RCSD1: variants seen among roughly 807,000 people sequenced by gnomAD.
RCSD1 encodes the protein capZ-interacting protein.
RCSD1 carries 26 observed loss-of-function variants against 42.5 expected under a neutral mutation model. The ratio of observed to expected loss-of-function variants is 0.61; its 90% CI spans 0.45 to 0.85. The LOEUF is 0.85. Ranked by LOEUF, RCSD1 falls within the 40% of genes least tolerant of loss-of-function variation. The probability of loss-of-function intolerance (pLI) is 0.00; values close to 1 mark genes in which losing one functional copy is unlikely to be tolerated. For missense variants in RCSD1, 571 were observed against 528.3 expected, an observed-to-expected ratio of 1.08 and a Z score of -0.79; for synonymous variants, 220 against 212.2, an observed-to-expected ratio of 1.04 and a Z score of -0.32.
At chr1:167,675,663 A>G (rs910532385) in intron 1 of RCSD1, among the ~76,000 whole-genome samples, 4 of 152,128 alleles carry the variant, frequency 2.6e-5, no homozygotes, top group African/African-American at 9.7e-5. Context: ...TGACCCTAAA[A>G]GCCATAAAAC....
intron 1 of RCSD1, among the ~76,000 whole-genome samples, chr1:167,680,375 G>A (rs1273335404): frequency 6.6e-6 from 1 of 152,092 alleles, no homozygotes; most frequent in Non-Finnish European, 1.5e-5. Flanking sequence ...CAGGTACCCA[G>A]GCCCTGACAC....
chr1:167,630,489 TC>T, intron 1 of RCSD1, 60 bp downstream of exon 1: 3 of 1,477,968 alleles, frequency 2.0e-6, no homozygotes, highest in South Asian at 1.3e-5. Context: ...GGGCGCCCCT[TC>T]CCCGGGCGGC....
At chr1:167,652,211 G>A (rs1658330161) in intron 1 of RCSD1, among the ~76,000 whole-genome samples, 1 of 151,918 alleles carries the variant, frequency 6.6e-6, no homozygotes, top group African/African-American at 2.4e-5. Flanking sequence ...TAGTAGAGAC[G>A]GGGTTTCACC....
intron 5 of RCSD1, among the ~76,000 whole-genome samples, chr1:167,696,819 T>C (rs905650217): frequency 6.6e-6 from 1 of 152,142 alleles, no homozygotes; most frequent in Non-Finnish European, 1.5e-5. Flanking sequence ...TGTTTTACAG[T>C]GCAATAAAAT....
At chr1:167,673,148 T>G (rs1658853212) in intron 1 of RCSD1, among the ~76,000 whole-genome samples, 1 of 152,060 alleles carries the variant, frequency 6.6e-6, no homozygotes, top group Non-Finnish European at 1.5e-5. Context: ...GGAGAGCATA[T>G]GAAAGATAGC....
chr1:167,679,215 A>G (rs1366749802), intron 1 of RCSD1, among the ~76,000 whole-genome samples: 1 of 151,988 alleles, frequency 6.6e-6, no homozygotes, highest in Non-Finnish European at 1.5e-5. Context: ...GCACTTACTG[A>G]CTTGAATAGT....
chr1:167,676,716 A>C (rs1471491102), intron 1 of RCSD1, among the ~76,000 whole-genome samples: 1 of 152,134 alleles, frequency 6.6e-6, no homozygotes, highest in African/African-American at 2.4e-5. Context: ...TTGCCCAGAC[A>C]CTAGCCATCA....
chr1:167,654,081 C>G (rs1658369206), intron 1 of RCSD1, among the ~76,000 whole-genome samples: 1 of 152,148 alleles, frequency 6.6e-6, no homozygotes, highest in Non-Finnish European at 1.5e-5. Flanking sequence ...AGGTAGTTTT[C>G]AGGATCAAAT....
chr1:167,662,810 G>C (rs970056897), intron 1 of RCSD1, among the ~76,000 whole-genome samples: 3 of 152,332 alleles, frequency 2.0e-5, no homozygotes, highest in East Asian at 3.9e-4. Flanking sequence ...CGCTGGGTTT[G>C]CTTGGCATCC....
chr1:167,671,884 T>C (rs952369064), intron 1 of RCSD1, among the ~76,000 whole-genome samples: 1 of 152,228 alleles, frequency 6.6e-6, no homozygotes, highest in East Asian at 1.9e-4. Context: ...GAGGCTCCCC[T>C]GGCCTTGAAC....
chr1:167,702,633 G>A (rs745309211), intron 6 of RCSD1, among the ~76,000 whole-genome samples: 3 of 152,120 alleles, frequency 2.0e-5, no homozygotes, highest in Non-Finnish European at 4.4e-5. Flanking sequence ...ACAAAAATTA[G>A]CCAGGGGTGG....
chr1:167,704,500 A>AT (rs1381676697), intron 6 of RCSD1, among the ~76,000 whole-genome samples, 164 bp from the exon 7 acceptor site: 1 of 141,626 alleles, frequency 7.1e-6, no homozygotes, highest in East Asian at 2.1e-4. Flanking sequence ...AAGTCAATGC[A>AT]TAAAAAAAAC....
chr1:167,701,842 T>A (rs1659653123), intron 6 of RCSD1, among the ~76,000 whole-genome samples: 1 of 152,204 alleles, frequency 6.6e-6, no homozygotes, highest in Non-Finnish European at 1.5e-5. Flanking sequence ...GAGTCACTAG[T>A]GCAAAAGGAA....
chr1:167,670,357 G>GAA (rs58634704), intron 1 of RCSD1, among the ~76,000 whole-genome samples: 62,530 of 132,102 alleles, frequency 0.47, 14,441 homozygotes, highest in East Asian at 0.69. Context: ...CTTTGCAAAA[G>GAA]AAAAAAAAAA....
At chr1:167,654,151 T>C (rs12069583) in intron 1 of RCSD1, among the ~76,000 whole-genome samples, 17,023 of 152,240 alleles carry the variant, frequency 0.11, 1,335 homozygotes, top group African/African-American at 0.22. Flanking sequence ...GTTTAATAAG[T>C]GTTGGCCATT....
intron 1 of RCSD1, among the ~76,000 whole-genome samples, chr1:167,637,203 C>T (rs1022322456): frequency 1.1e-4 from 17 of 152,062 alleles, no homozygotes; most frequent in African/African-American, 3.9e-4. Flanking sequence ...GTGACAAGAG[C>T]AAAGCTACTG....
rs11446259 is a variant in RCSD1 at position 167,701,252 on chromosome 1, GTTTCTTTCTTTCTTTCTTTCTTTCTTTC to G, written c.1219-3372_1219-3345del. Among the ~76,000 whole-genome samples the G allele has an allele frequency of 8.3e-5, 8 of 96,072 alleles. 1 individual carries two copies. Among genetic ancestry groups the G allele is most frequent in the African/African-American group, 2.6e-4 (7 of 27,374 alleles). 63.0% of individuals were successfully genotyped at this position (96,072 alleles called of 152,430 possible). On this transcript the variant is annotated intron_variant, in intron 6 of 6. Coordinates refer to ENST00000367854, the MANE Select transcript of RCSD1 (RefSeq NM_052862.4). ...TGACGCCACTTAACCCAATTGCCTA[GTTTCTTTCTTTCTTTCTTTCTTTCTTTC>G]TTTCTTTCTTTCTTTCTTTCTTTCT...
At position 167,699,837 on chromosome 1, in the gene RCSD1, G is replaced by T. The variant is rs555150937; in HGVS notation, c.1218+1995G>T. 3.3e-5 allele frequency among the ~76,000 whole-genome samples: 5 copies of T among 152,202 alleles called. No individual in the cohort carries two copies. In the East Asian group the frequency reaches 9.7e-4, roughly 29 times the overall value. ...CCCCTCTGTGTGGGACATTCCTTCTGATCCTTACAGGGCCGCTTCTTACCC... is the reference window on the plus strand; with the variant it reads ...CCCCTCTGTGTGGGACATTCCTTCTTATCCTTACAGGGCCGCTTCTTACCC... On this transcript the variant is annotated intron_variant, in intron 6 of 6. Transcript: ENST00000367854.
chr1:167,694,011 G>C, intron 4 of RCSD1, 88 bp from the exon 5 acceptor site: 1 of 1,306,376 alleles, frequency 7.7e-7, no homozygotes, highest in Non-Finnish European at 1.1e-6. Flanking sequence ...GTCTCAACCA[G>C]GCCTGAGGCC....
Sources: allele counts gnomAD v4.1 joint callset (sites outside exome capture counted in the v4.1 genomes callset), GRCh38; gene constraint gnomAD v4.1.1; transcripts MANE v1.5; gene names NCBI Gene and HGNC (gene_info 2026-07-23, HGNC 2026-07-21).